The following ESD variants were observed in gnomAD, a reference collection of about 807,000 sequenced individuals.
ESD encodes esterase D.
In ESD, 34 loss-of-function variants were observed where a neutral mutation model predicts 38.1. The ratio of observed to expected loss-of-function variants is 0.89; its 90% CI spans 0.68 to 1.19. The LOEUF is 1.19. Ranked by LOEUF, ESD falls within the 50% of genes most tolerant of loss-of-function variation. The probability of loss-of-function intolerance (pLI) is 0.00; values close to 1 mark genes in which losing one functional copy is unlikely to be tolerated. For synonymous variants in ESD, 97 were observed against 107.0 expected, an observed-to-expected ratio of 0.91 and a Z score of 0.58; for missense variants, 334 against 327.2, an observed-to-expected ratio of 1.02 and a Z score of -0.16.
intron 3 of ESD, among the ~76,000 whole-genome samples, chr13:46,788,423 A>G (rs765574679): frequency 2.0e-5 from 3 of 152,070 alleles, no homozygotes; most frequent in Non-Finnish European, 2.9e-5. Context: ...TTATAATACT[A>G]TATCAAATCC....
intron 6 of ESD, among the ~76,000 whole-genome samples, 168 bp from the exon 7 acceptor site, chr13:46,781,783 GATT>G (rs1875011853): frequency 6.6e-6 from 1 of 151,866 alleles, no homozygotes; most frequent in Non-Finnish European, 1.5e-5. Context: ...GGCAGACCAT[GATT>G]ATTAATATAT....
At position 46,795,275 on chromosome 13, in the gene ESD, C is replaced by A. The variant is rs185020539; in HGVS notation, c.-56+1830G>T. ...CTGCATGAAAGCCTAGGGTTTTAAT[C>A]CACTTAATTTACTGGTCAACGGATC... On this transcript the variant is annotated intron_variant, in intron 1 of 9. Transcript: ENST00000378720. 2.6e-5 allele frequency among the ~76,000 whole-genome samples: 4 copies of A among 152,348 alleles called. No homozygotes were observed. The East Asian group carries it at 5.8e-4, about 22-fold the overall frequency.
chr13:46,775,685 C>G (rs1355303217), intron 9 of ESD: 1 of 469,986 alleles, frequency 2.1e-6, no homozygotes, highest in Non-Finnish European at 4.4e-6. Flanking sequence ...ACTCTTAACC[C>G]GACCATGCTG....
At chr13:46,782,189 T>TG (rs529746405) in intron 6 of ESD, among the ~76,000 whole-genome samples, 319 of 151,782 alleles carry the variant, frequency 2.1e-3, no homozygotes, top group Middle Eastern at 3.4e-3. Context: ...ATAAGTGTTT[T>TG]GGGGGGGTAA....
Position 46,780,018 on chromosome 13 carries a change from CA to C in ESD, c.516del (p.Phe172LeufsTer37), listed in dbSNP as rs779391844. On this transcript the variant is annotated frameshift_variant, in exon 8 of 10. Coordinates refer to ENST00000378720, the MANE Select transcript of ESD (RefSeq NM_001984.2). LOFTEE classifies it high-confidence loss of function. Reference sequence around the variant, plus strand: ...CAGAGTACAGGGTTGCAAATTGGAGCAAATGCTGACACAGACTTCAGAAACA... The same window carrying C: ...CAGAGTACAGGGTTGCAAATTGGAGCAATGCTGACACAGACTTCAGAAACA... Reference protein sequence around the residue: ...NPGKYKSVSAFAPICNPVLCP... With the variant: ...NPGKYKSVSAXAPICNPVLCP... 1.4e-5 allele frequency: 22 copies of C among 1,593,012 alleles called. No homozygotes were observed. The highest frequency in any genetic ancestry group is 1.9e-5 in the Non-Finnish European group (22 of 1,168,592).
intron 3 of ESD, among the ~76,000 whole-genome samples, chr13:46,788,813 A>G (rs1263062214): frequency 6.6e-6 from 1 of 152,074 alleles, no homozygotes; most frequent in Non-Finnish European, 1.5e-5. Flanking sequence ...CTCTGCATGT[A>G]TCACTAATTC....
chr13:46,795,756 CTTT>C (rs201133945), intron 1 of ESD, among the ~76,000 whole-genome samples: 4 of 143,354 alleles, frequency 2.8e-5, no homozygotes, highest in Admixed American at 6.9e-5. Context: ...TTTTTTTCTT[CTTT>C]TTTTTTTTTT....
intron 1 of ESD, among the ~76,000 whole-genome samples, chr13:46,794,773 C>A (rs1875521571): frequency 6.6e-6 from 1 of 152,170 alleles, no homozygotes; most frequent in African/African-American, 2.4e-5. Context: ...CTGTTGACCA[C>A]CACTGTGTTG....
intron 8 of ESD, among the ~76,000 whole-genome samples, chr13:46,778,943 A>C (rs572806061): frequency 6.6e-6 from 1 of 151,832 alleles, no homozygotes; most frequent in African/African-American, 2.4e-5. Flanking sequence ...GTAGGAATGA[A>C]CCCTGAACAC....
At chr13:46,796,030 T>TTA (rs1875563461) in intron 1 of ESD, among the ~76,000 whole-genome samples, 1 of 152,134 alleles carries the variant, frequency 6.6e-6, no homozygotes, top group African/African-American at 2.4e-5. Flanking sequence ...TGGGGAAAAT[T>TTA]TTTTAAAAAA....
In ESD at chr13:46,771,338, T is replaced by TC. The variant is rs1874596868; in HGVS notation, c.*77_*78insG. 1 of 862,202 alleles carries TC rather than the reference T, an allele frequency of 1.2e-6. No individual in the cohort carries two copies. The highest frequency in any genetic ancestry group is 2.8e-5 in the East Asian group (1 of 36,150). 53.4% of individuals were successfully genotyped at this position (862,202 alleles called of 1,614,324 possible). A position where few individuals can be genotyped will look rare whatever the true frequency, so the allele number is the denominator to read the frequency against. On this transcript the variant is annotated 3_prime_UTR_variant, in exon 10 of 10. Transcript: ENST00000378720. ...CTATAAAATCCAATGTTTTGAATTT[T>TC]TTTTTTTTTTGCTCAGCAATACAGT...
intron 4 of ESD, among the ~76,000 whole-genome samples, chr13:46,786,440 A>G (rs1875196221): frequency 6.6e-6 from 1 of 152,004 alleles, no homozygotes; most frequent in Non-Finnish European, 1.5e-5. Flanking sequence ...TGTGAAAGAA[A>G]AGTTAGCATA....
rs755948929 is a variant in ESD at position 46,782,808 on chromosome 13, T to C, written c.257-17A>G. The C allele has an allele frequency of 6.2e-7, 1 of 1,611,348 alleles. No homozygotes were observed. Among genetic ancestry groups the C allele is most frequent in the Non-Finnish European group, 8.5e-7 (1 of 1,178,398 alleles). On this transcript the variant is annotated splice_polypyrimidine_tract_variant and intron_variant, in intron 5 of 9. Coordinates refer to ENST00000378720, the MANE Select transcript of ESD (RefSeq NM_001984.2). ...TGCAGCCACCTATCAAGAAACAATC[T>C]TGTGGTTTCATCTGCTCTGTAGTAA...
At position 46,771,505 on chromosome 13, in the gene ESD, T is replaced by C. The variant is rs533159258; in HGVS notation, c.769-9A>G. 109 of 1,540,892 alleles carry C rather than the reference T, an allele frequency of 7.1e-5. No homozygotes were observed. The highest frequency in any genetic ancestry group is 7.4e-5 in the Non-Finnish European group (83 of 1,116,230). On this transcript the variant is annotated splice_polypyrimidine_tract_variant and intron_variant, in intron 9 of 9. Transcript: ENST00000378720. ...TAGCTATGATCATAACCCTAGAAGATAAAGAGATGATAAGACATTTATCTA... is the reference window on the plus strand; with the variant it reads ...TAGCTATGATCATAACCCTAGAAGACAAAGAGATGATAAGACATTTATCTA...
chr13:46,775,434 C>T, intron 9 of ESD: 3 of 266,432 alleles, frequency 1.1e-5, no homozygotes, highest in South Asian at 3.8e-5. Flanking sequence ...TTATATATAT[C>T]CCCTATTATT....
At chr13:46,787,161 A>G in intron 3 of ESD, 52 bp from the exon 4 acceptor site, 1 of 1,043,646 alleles carries the variant, frequency 9.6e-7, no homozygotes, top group South Asian at 1.6e-5. Context: ...ATTAATCAAT[A>G]CAGAAACAAA....
intron 1 of ESD, among the ~76,000 whole-genome samples, chr13:46,794,602 T>G (rs1247769783): frequency 6.6e-6 from 1 of 152,300 alleles, no homozygotes; most frequent in East Asian, 1.9e-4. Context: ...TTCCCCTGTG[T>G]CTCAAGTTTT....
chr13:46,784,122 C>T (rs901736095), intron 5 of ESD, 130 bp downstream of exon 5: 31 of 633,302 alleles, frequency 4.9e-5, no homozygotes, highest in Non-Finnish European at 7.8e-5. Context: ...AGTCATGATG[C>T]CACTTGAAAG....
At chr13:46,785,455 GA>G (rs1566281588) in intron 4 of ESD, among the ~76,000 whole-genome samples, 1 of 152,002 alleles carries the variant, frequency 6.6e-6, no homozygotes, top group Non-Finnish European at 1.5e-5. Context: ...ACTTGGGAAA[GA>G]TACAAATCAC....
Sources: gnomAD v4.1 joint callset for allele counts (sites outside exome capture counted in the v4.1 genomes callset) on GRCh38, gnomAD v4.1.1 for gene constraint, MANE v1.5 for transcripts, NCBI Gene and HGNC (gene_info 2026-07-23, HGNC 2026-07-21) for gene names.